The following APAF1 variants were observed in gnomAD, a reference collection of about 807,000 sequenced individuals.
APAF1 encodes apoptotic peptidase activating factor 1.
APAF1 carries 91 observed loss-of-function variants against 152.4 expected under a neutral mutation model. That is an observed-to-expected ratio of 0.60 (90% CI 0.50 to 0.71). The LOEUF (loss-of-function observed/expected upper bound fraction) is 0.71. Ranked by LOEUF, APAF1 falls within the 30% of genes least tolerant of loss-of-function variation. The pLI is 0.00. For missense variants in APAF1, 1,283 were observed against 1,472.0 expected (o/e 0.87, Z 2.10); for synonymous variants, 484 against 494.1 (o/e 0.98, Z 0.27).
chr12:98,732,337 T>C (rs2097763633), intron 26 of APAF1, 83 bp from the exon 27 acceptor site: 13 of 1,256,248 alleles, frequency 1.0e-5, no homozygotes, highest in African/African-American at 1.5e-5. Context: ...GGGGAGGAGA[T>C]AGGGTAAAGG....
intron 11 of APAF1, 33 bp from the exon 12 acceptor site, chr12:98,671,498 CTGAT>C (rs1483529540): frequency 2.5e-6 from 4 of 1,590,620 alleles, no homozygotes; most frequent in African/African-American, 1.3e-5. Context: ...GATCGTGGCT[CTGAT>C]TGTGTTTCTA....
chr12:98,726,063 C>G (rs1447554929), intron 25 of APAF1, among the ~76,000 whole-genome samples: 1 of 152,064 alleles, frequency 6.6e-6, no homozygotes, highest in African/African-American at 2.4e-5. Context: ...TGTGGGGCAG[C>G]GAAGGGCTCC....
intron 21 of APAF1, among the ~76,000 whole-genome samples, chr12:98,714,271 C>A (rs2097731435): frequency 6.6e-6 from 1 of 152,166 alleles, no homozygotes; most frequent in African/African-American, 2.4e-5. Context: ...TCATCCACAT[C>A]GTTAGTTCCC....
At chr12:98,671,482 A>G in intron 11 of APAF1, 53 bp from the exon 12 acceptor site, 1 of 1,533,896 alleles carries the variant, frequency 6.5e-7, no homozygotes, top group Non-Finnish European at 9.0e-7. Flanking sequence ...AAATGGAAAA[A>G]TGTCAGATCG....
chr12:98,656,270 T>G (rs2097657510), intron 4 of APAF1, among the ~76,000 whole-genome samples: 1 of 152,150 alleles, frequency 6.6e-6, no homozygotes, highest in African/African-American at 2.4e-5. Context: ...CGGAGTAAAT[T>G]TTTCCAAACT....
At chr12:98,732,369 TCACA>T in intron 26 of APAF1, 47 bp from the exon 27 acceptor site, 2 of 1,539,834 alleles carry the variant, frequency 1.3e-6, no homozygotes, top group South Asian at 2.2e-5. Context: ...CTATAAATTG[TCACA>T]CAGTGTAATT....
chr12:98,702,714 A>G (rs2097716924), intron 17 of APAF1, among the ~76,000 whole-genome samples: 2 of 151,940 alleles, frequency 1.3e-5, no homozygotes, highest in South Asian at 4.2e-4. Flanking sequence ...AATCCCAGCT[A>G]CTTGGGAGGC....
At chr12:98,698,936 C>T (rs1217758849) in intron 16 of APAF1, among the ~76,000 whole-genome samples, 1 of 152,204 alleles carries the variant, frequency 6.6e-6, no homozygotes, top group Non-Finnish European at 1.5e-5. Flanking sequence ...TCCCTGTTTT[C>T]AGAGACTTCC....
intron 24 of APAF1, among the ~76,000 whole-genome samples, chr12:98,725,146 G>A (rs1327101470): frequency 6.6e-6 from 1 of 152,156 alleles, no homozygotes; most frequent in Non-Finnish European, 1.5e-5. Flanking sequence ...TCCACAGACT[G>A]CTCTTAGCTG....
rs1326690941 is a variant in APAF1, at chr12:98,689,455, AGAGAGAGAGT to A, written c.2304+2584_2304+2593del. Among the ~76,000 whole-genome samples, 37 of 145,476 alleles carry A rather than the reference AGAGAGAGAGT, an allele frequency of 2.5e-4. No homozygotes were observed. In the East Asian group the frequency reaches 4.1e-3, roughly 16 times the overall value. On this transcript the variant is annotated intron_variant, in intron 16 of 26. Coordinates refer to ENST00000551964, the MANE Select transcript of APAF1 (RefSeq NM_181861.2). ...GAGGGTGAGAGAGAGAGAGAGAGAG[AGAGAGAGAGT>A]GTGTGTGTCTGTGTGTGTGTGTGTG...
In APAF1 at chr12:98,659,259, A is replaced by T. The variant is rs1274413198; in HGVS notation, c.626A>T (p.Asp209Val). Reference sequence around the variant, plus strand: ...AATCTTTGCACACGGTTGGATCAGGATGAGAGTTTTTCCCAGAGGCTTCCA... The same window carrying T: ...AATCTTTGCACACGGTTGGATCAGGTTGAGAGTTTTTCCCAGAGGCTTCCA... ...LQNLCTRLDQDESFSQRLPLN... is the reference protein window; with the variant it reads ...LQNLCTRLDQVESFSQRLPLN... Residue 209 changes from aspartate to valine, a missense_variant, in exon 5 of 27, where the codon GAT becomes GTT. Transcript: ENST00000551964. 3.1e-6 allele frequency: 5 copies of T among 1,614,066 alleles called. No individual in the cohort carries two copies. Among genetic ancestry groups the T allele is most frequent in the Admixed American group, 3.3e-5 (2 of 60,002 alleles).
At chr12:98,653,009 TGTA>T (rs1170931206) in intron 4 of APAF1, among the ~76,000 whole-genome samples, 1 of 152,168 alleles carries the variant, frequency 6.6e-6, no homozygotes, top group African/African-American at 2.4e-5. Flanking sequence ...AGAACTCTGA[TGTA>T]GTCAAACTAA....
In APAF1 at chr12:98,723,747, G is replaced by C; in HGVS notation, c.3313G>C (p.Ala1105Pro). ...TGCTACCAAGTTTTCATCTACCTCTGCTGACAAGACTGCAAAGGTAGGTCA... is the reference window on the plus strand; with the variant it reads ...TGCTACCAAGTTTTCATCTACCTCTCCTGACAAGACTGCAAAGGTAGGTCA... ...HDATKFSSTS[A>P]DKTAKIWSFD... The change falls in exon 24 of 27, where the codon GCT (alanine) becomes CCT (proline). Residue 1105 changes from alanine (A) to proline (P), a missense_variant. Coordinates refer to ENST00000551964, the MANE Select transcript of APAF1 (RefSeq NM_181861.2). The C allele has an allele frequency of 6.2e-7, 1 of 1,613,566 alleles. No individual in the cohort carries two copies.
chr12:98,660,948 C>T (rs868249703), intron 5 of APAF1, among the ~76,000 whole-genome samples: 3 of 152,046 alleles, frequency 2.0e-5, no homozygotes, highest in South Asian at 2.1e-4. Context: ...GATGCATATT[C>T]GTTATATTTT....
In APAF1 at chr12:98,732,870, A is replaced by G. The variant is rs574891254; in HGVS notation, c.*304A>G. On this transcript the variant is annotated 3_prime_UTR_variant, in exon 27 of 27. Coordinates refer to ENST00000551964, the MANE Select transcript of APAF1 (RefSeq NM_181861.2). ...TCTTGATGCATTCAAAATGGTTGAC[A>G]TAATTAATGAGAAGAATTTGGAAGA... 4.0e-5 allele frequency: 13 copies of G among 328,034 alleles called. No individual in the cohort carries two copies. Among genetic ancestry groups the G allele is most frequent in the African/African-American group, 2.2e-4 (10 of 45,908 alleles). The allele number at this position is 328,034 out of a possible 1,614,324, so 20.3% of individuals were successfully genotyped here. A position where few individuals can be genotyped will look rare whatever the true frequency, so the allele number is the denominator to read the frequency against.
chr12:98,652,584 A>G (rs11109558), intron 4 of APAF1, among the ~76,000 whole-genome samples: 5,392 of 151,016 alleles, frequency 0.036, 308 homozygotes, highest in African/African-American at 0.12. Context: ...TTTCTTATAT[A>G]TTCTAGACAT....
At chr12:98,716,643 TGTTA>T (rs1216198327) in intron 22 of APAF1, among the ~76,000 whole-genome samples, 2 of 152,198 alleles carry the variant, frequency 1.3e-5, no homozygotes, top group African/African-American at 4.8e-5. Flanking sequence ...TACACTGTGT[TGTTA>T]GTTTTTATTC....
intron 9 of APAF1, 52 bp from the exon 10 acceptor site, chr12:98,667,461 G>C: frequency 6.2e-7 from 1 of 1,601,600 alleles, no homozygotes; most frequent in East Asian, 2.2e-5. Flanking sequence ...TTACTGTGAT[G>C]CTTAGGTTAT....
At chr12:98,721,272 T>C (rs1362809948) in intron 22 of APAF1, among the ~76,000 whole-genome samples, 1 of 152,216 alleles carries the variant, frequency 6.6e-6, no homozygotes, top group Non-Finnish European at 1.5e-5. Context: ...TCAGTGGTTG[T>C]CAAATTCTTT....
Sources: gnomAD v4.1 joint callset for allele counts (sites outside exome capture counted in the v4.1 genomes callset) on GRCh38, gnomAD v4.1.1 for gene constraint, MANE v1.5 for transcripts, NCBI Gene and HGNC (gene_info 2026-07-23, HGNC 2026-07-21) for gene names.